Variants in CCDC66 observed in about 807,000 individuals in gnomAD.
CCDC66 encodes the protein coiled-coil domain-containing protein 66.
A neutral mutation model predicts 128.3 loss-of-function variants in CCDC66; 133 were observed. That is an observed-to-expected ratio of 1.04 (90% CI 0.90 to 1.20). The LOEUF is 1.20. Ranked by LOEUF, CCDC66 falls within the 50% of genes most tolerant of loss-of-function variation. The pLI is 0.00. For synonymous variants in CCDC66, 387 were observed against 357.0 expected (o/e 1.08, Z -0.95); for missense variants, 1,126 against 1,075.5 (o/e 1.05, Z -0.66).
chr3:56,561,235 G>C (rs1057513345), intron 3 of CCDC66: 4 of 456,350 alleles, frequency 8.8e-6, no homozygotes, highest in Non-Finnish European at 1.8e-5. Context: ...TGTTTGTAAT[G>C]GTTGATTTTT....
intron 7 of CCDC66, among the ~76,000 whole-genome samples, chr3:56,583,543 C>T (rs1207653236): frequency 4.6e-5 from 7 of 151,864 alleles, no homozygotes; most frequent in East Asian, 2.0e-4. Context: ...TAACAAAGCA[C>T]GTCTTGCACC....
intron 7 of CCDC66, among the ~76,000 whole-genome samples, chr3:56,583,511 A>G (rs577121399): frequency 1.3e-4 from 20 of 151,990 alleles, no homozygotes; most frequent in South Asian, 4.1e-4. Context: ...CTTAGGGAGC[A>G]TGCTGCCTTC....
At chr3:56,579,304 CTTT>C (rs1391563281) in intron 7 of CCDC66, among the ~76,000 whole-genome samples, 3 of 151,632 alleles carry the variant, frequency 2.0e-5, no homozygotes, top group African/African-American at 7.3e-5. Flanking sequence ...CTCTTTTCTT[CTTT>C]ATTAGTCTTG....
intron 10 of CCDC66, among the ~76,000 whole-genome samples, chr3:56,607,903 T>C (rs534244481): frequency 4.5e-4 from 68 of 152,340 alleles, no homozygotes; most frequent in Admixed American, 2.2e-3. Flanking sequence ...GATCATGTGA[T>C]TTTTGTTCTT....
chr3:56,618,047 C>T (rs1367518935), intron 14 of CCDC66, 125 bp from the exon 15 acceptor site: 1 of 776,694 alleles, frequency 1.3e-6, no homozygotes, highest in South Asian at 1.5e-5. Flanking sequence ...TATTCCATTG[C>T]TCAGTCAGTA....
At chr3:56,582,069 C>T (rs780540220) in intron 7 of CCDC66, among the ~76,000 whole-genome samples, 4 of 151,892 alleles carry the variant, frequency 2.6e-5, no homozygotes, top group Non-Finnish European at 4.4e-5. Flanking sequence ...CCACCCAGTC[C>T]GAGCTTCCTG....
chr3:56,574,432 G>A (rs761970802), intron 7 of CCDC66, among the ~76,000 whole-genome samples: 8 of 151,500 alleles, frequency 5.3e-5, no homozygotes, highest in Admixed American at 2.0e-4. Flanking sequence ...AGATGTTATT[G>A]AGGGAAAAGG....
intron 7 of CCDC66, among the ~76,000 whole-genome samples, chr3:56,573,421 G>T (rs1052641826): frequency 1.3e-5 from 2 of 152,210 alleles, no homozygotes; most frequent in Admixed American, 1.3e-4. Context: ...ACTTCAAGGT[G>T]TTGGGGAAGG....
chr3:56,564,157 G>C, intron 4 of CCDC66, 32 bp downstream of exon 4: 1 of 1,525,878 alleles, frequency 6.6e-7, no homozygotes, highest in Non-Finnish European at 8.9e-7. Context: ...CATGAATTTT[G>C]ATTTTTTCAA....
intron 7 of CCDC66, 87 bp downstream of exon 7, chr3:56,571,389 T>TC: frequency 1.4e-6 from 1 of 709,562 alleles, no homozygotes; most frequent in Non-Finnish European, 2.1e-6. Flanking sequence ...AAAAAAAAAG[T>TC]TTTTTTTTTG....
intron 7 of CCDC66, among the ~76,000 whole-genome samples, chr3:56,590,672 T>C (rs1426757182): frequency 6.6e-6 from 1 of 151,696 alleles, no homozygotes; most frequent in Non-Finnish European, 1.5e-5. Context: ...GGCAGGAGGA[T>C]CACTTGAGCA....
chr3:56,615,445 T>G (rs1310689519), intron 12 of CCDC66, 173 bp downstream of exon 12: 1 of 634,766 alleles, frequency 1.6e-6, no homozygotes, highest in African/African-American at 1.9e-5. Flanking sequence ...AATCTCGCTT[T>G]GTTGCCCAGG....
intron 10 of CCDC66, among the ~76,000 whole-genome samples, chr3:56,606,702 T>C (rs1411363177): frequency 6.6e-6 from 1 of 151,892 alleles, no homozygotes; most frequent in Non-Finnish European, 1.5e-5. Flanking sequence ...TGCTGGGAGC[T>C]ACAGACCGGA....
chr3:56,577,183 A>AT (rs1018826519), intron 7 of CCDC66, among the ~76,000 whole-genome samples: 1 of 151,396 alleles, frequency 6.6e-6, no homozygotes, highest in Non-Finnish European at 1.5e-5. Flanking sequence ...GATGATGAGC[A>AT]TTTTTTTCAT....
intron 13 of CCDC66, 63 bp downstream of exon 13, chr3:56,616,116 G>A: frequency 2.1e-6 from 3 of 1,428,014 alleles, no homozygotes; most frequent in East Asian, 2.7e-5. Context: ...AAAGCAGTTA[G>A]AATTAAGTTC....
At chr3:56,598,811 T>C (rs2072606899) in intron 10 of CCDC66, among the ~76,000 whole-genome samples, 1 of 152,034 alleles carries the variant, frequency 6.6e-6, no homozygotes, top group African/African-American at 2.4e-5. Context: ...TTGGATTGAG[T>C]TTGCTAGTAT....
intron 14 of CCDC66, 200 bp from the exon 15 acceptor site, chr3:56,617,970 CAT>C (rs2075732467): frequency 3.3e-6 from 2 of 602,982 alleles, no homozygotes; most frequent in Non-Finnish European, 5.9e-6. Context: ...TTATAGTCCA[CAT>C]AGACAGAGGT....
At chr3:56,590,241 T>C (rs1457427614) in intron 7 of CCDC66, among the ~76,000 whole-genome samples, 1 of 152,174 alleles carries the variant, frequency 6.6e-6, no homozygotes, top group Middle Eastern at 3.2e-3. Flanking sequence ...TAAGACTGCT[T>C]TAAGGGGAGA....
intron 14 of CCDC66, 74 bp downstream of exon 14, chr3:56,617,679 G>A (rs1559779941): frequency 1.3e-6 from 2 of 1,507,546 alleles, no homozygotes; most frequent in Non-Finnish European, 8.9e-7. Flanking sequence ...CGTATGCTTT[G>A]GTAAGGCTGT....
Sources: gnomAD v4.1 joint callset for allele counts (sites outside exome capture counted in the v4.1 genomes callset) on GRCh38, gnomAD v4.1.1 for gene constraint, MANE v1.5 for transcripts, NCBI Gene and HGNC (gene_info 2026-07-23, HGNC 2026-07-21) for gene names.